The following CYREN variants were observed in gnomAD, a reference collection of about 807,000 sequenced individuals.
The protein encoded by CYREN is cell cycle regulator of non-homologous end joining.
In CYREN, 7 loss-of-function variants were observed where a neutral mutation model predicts 9.7. The ratio of observed to expected loss-of-function variants is 0.72; its 90% confidence interval spans 0.41 to 1.36. The LOEUF (loss-of-function observed/expected upper bound fraction) is 1.36, where lower values mean the gene tolerates loss of function less well. CYREN is among the 40% of genes most tolerant of loss of function. CYREN has a pLI of 0.01. For missense variants in CYREN, 215 were observed against 198.1 expected (o/e 1.09, Z -0.51); for synonymous variants, 76 against 77.9 (o/e 0.98, Z 0.13).
downstream of CYREN, among the ~76,000 whole-genome samples, chr7:135,163,074 C>T (rs768780119): frequency 3.9e-5 from 6 of 152,176 alleles, no homozygotes; most frequent in Admixed American, 2.6e-4. Context: ...ATTCACACAG[C>T]GTCTTCACTT....
intron 2 of CYREN, among the ~76,000 whole-genome samples, chr7:135,110,594 C>T (rs1040268670): frequency 3.3e-5 from 5 of 152,288 alleles, no homozygotes; most frequent in Non-Finnish European, 7.4e-5. Context: ...AGGGGAGGCT[C>T]TCCTGGCTCT....
At chr7:135,162,186 C>T (rs1336728042), downstream of CYREN, among the ~76,000 whole-genome samples, 1 of 152,190 alleles carries the variant, frequency 6.6e-6, no homozygotes, top group Non-Finnish European at 1.5e-5. Context: ...TTCCAGTCAG[C>T]TCTGGGAAAG....
chr7:135,133,380 G>A (rs545393369), intron 2 of CYREN, among the ~76,000 whole-genome samples: 2 of 152,258 alleles, frequency 1.3e-5, no homozygotes, highest in East Asian at 3.9e-4. Context: ...AGTTTAACAC[G>A]ATGCCTATCA....
At chr7:135,103,675 T>C (rs753617286) in intron 2 of CYREN, among the ~76,000 whole-genome samples, 1 of 152,222 alleles carries the variant, frequency 6.6e-6, no homozygotes, top group Admixed American at 6.5e-5. Context: ...ATAATAGATA[T>C]CTGTAGTCAC....
chr7:135,129,470 C>G, intron 2 of CYREN: 1 of 774,672 alleles, frequency 1.3e-6, no homozygotes, highest in Non-Finnish European at 2.4e-6. Context: ...AGAAAAACTT[C>G]AAGAACTGAC....
At chr7:135,109,337 A>G (rs2117116247) in intron 2 of CYREN, among the ~76,000 whole-genome samples, 1 of 152,222 alleles carries the variant, frequency 6.6e-6, no homozygotes, top group Non-Finnish European at 1.5e-5. Flanking sequence ...ATGACAACCC[A>G]CCTCTCCCAC....
chr7:135,101,366 A>G (rs1823804344), intron 2 of CYREN: 1 of 390,340 alleles, frequency 2.6e-6, no homozygotes, highest in Admixed American at 3.0e-5. Context: ...TGAAACTTGG[A>G]TTATGGGAAC....
chr7:135,147,986 G>C (rs1019364325), intron 2 of CYREN: 13 of 455,368 alleles, frequency 2.9e-5, no homozygotes, highest in Non-Finnish European at 4.9e-5. Context: ...CCTCATTTCT[G>C]AAAAGTCATG....
At chr7:135,092,461 C>T (rs1254551052) in exon 3 of CYREN, 1 of 152,030 alleles carries the variant, frequency 6.6e-6, no homozygotes, top group Non-Finnish European at 1.5e-5. Flanking sequence ...ATAATCTTTC[C>T]ATTGTTGTTC....
At chr7:135,115,852 A>G in intron 2 of CYREN, 1 of 410,436 alleles carries the variant, frequency 2.4e-6, no homozygotes, top group Admixed American at 4.1e-5. Flanking sequence ...ATTTAGATCT[A>G]TTAATAAAGT....
intron 2 of CYREN, among the ~76,000 whole-genome samples, chr7:135,121,526 A>G (rs1312634599): frequency 3.3e-5 from 5 of 152,002 alleles, no homozygotes; most frequent in Non-Finnish European, 7.4e-5. Context: ...GAATCCAACT[A>G]GAAATCAATA....
chr7:135,167,031 C>A (rs1830204969), intron 3 of CYREN, 160 bp from the exon 4 acceptor site: 1 of 985,260 alleles, frequency 1.0e-6, no homozygotes, highest in Admixed American at 6.1e-5. Context: ...CTCTTCACCC[C>A]ACTCCTTCCC....
At chr7:135,147,101 T>C (rs1040965835) in intron 2 of CYREN, among the ~76,000 whole-genome samples, 3 of 152,210 alleles carry the variant, frequency 2.0e-5, no homozygotes, top group Non-Finnish European at 4.4e-5. Context: ...GTCCCAGTAT[T>C]GTACTAAGCA....
At chr7:135,141,023 T>G (rs2117395856) in intron 2 of CYREN, among the ~76,000 whole-genome samples, 1 of 152,282 alleles carries the variant, frequency 6.6e-6, no homozygotes, top group Non-Finnish European at 1.5e-5. Flanking sequence ...TTTTCTTTTT[T>G]TCATTGTGCC....
At chr7:135,154,428 C>T (rs1420232991) in intron 2 of CYREN, among the ~76,000 whole-genome samples, 2 of 152,008 alleles carry the variant, frequency 1.3e-5, no homozygotes, top group East Asian at 3.9e-4. Flanking sequence ...TTTTCTAATT[C>T]CTTGAGGTGC....
chr7:135,143,387 G>T (rs1235537382), intron 2 of CYREN, among the ~76,000 whole-genome samples: 3 of 152,088 alleles, frequency 2.0e-5, no homozygotes, highest in African/African-American at 7.2e-5. Context: ...TCAACAAATG[G>T]TGCTGGAACA....
intron 2 of CYREN, among the ~76,000 whole-genome samples, chr7:135,139,070 T>C (rs1189272622): frequency 6.6e-6 from 1 of 152,090 alleles, no homozygotes; most frequent in Non-Finnish European, 1.5e-5. Context: ...TGCATGTGTC[T>C]TTATGGTAGA....
At chr7:135,129,974 A>C (rs1285112440) in intron 2 of CYREN, among the ~76,000 whole-genome samples, 7 of 152,208 alleles carry the variant, frequency 4.6e-5, no homozygotes, top group Admixed American at 4.6e-4. Flanking sequence ...GTTAAAAATT[A>C]AATATTTATT....
rs773641522 is a variant in CYREN at position 135,166,669 on chromosome 7, G to C, written c.416C>G (p.Pro139Arg). 3.1e-6 allele frequency: 5 copies of C among 1,609,996 alleles called. No homozygotes were observed. The highest frequency in any genetic ancestry group is 4.2e-6 in the Non-Finnish European group (5 of 1,179,840). ...GGSSSACSRS[P>R]EEEEEEDVLK... The stretch of plus-strand genomic sequence containing the variant: ...CACATCCTCTTCCTCCTCCTCCTCA[G>C]GGCTCCTGCTACAGGCAGAGCTGGA... The change falls in exon 4 of 4, where the codon CCT (proline) becomes CGT (arginine). Residue 139 changes from proline (P) to arginine (R), a missense_variant. Coordinates refer to ENST00000393114, the MANE Select transcript of CYREN (RefSeq NM_024033.4).
Sources: allele counts gnomAD v4.1 joint callset (sites outside exome capture counted in the v4.1 genomes callset), GRCh38; gene constraint gnomAD v4.1.1; transcripts MANE v1.5; gene names NCBI Gene and HGNC (gene_info 2026-07-23, HGNC 2026-07-21).